MILR1: variants seen among roughly 807,000 people sequenced by gnomAD.
The protein encoded by MILR1 is allergin-1.
In MILR1, 31 loss-of-function variants were observed where a neutral mutation model predicts 18.5. The observed-to-expected ratio is 1.68, with a 90% CI of 1.26 to 2.26. MILR1 has a LOEUF of 2.26. Ranked by LOEUF, MILR1 falls within the 30% of genes most tolerant of loss-of-function variation. MILR1 has a pLI of 0.00. For synonymous variants in MILR1, 85 were observed against 56.2 expected (o/e 1.51, Z -2.30); for missense variants, 257 against 157.4 (o/e 1.63, Z -3.38).
At chr17:64,496,677 C>T in the MILR1 span, 7 of 1,614,028 alleles carry the variant, frequency 4.3e-6, no homozygotes, top group Non-Finnish European at 5.9e-6. Flanking sequence ...GGTCCGAAGC[C>T]GGGGTGGCAC....
chr17:64,468,703 G>A, downstream of MILR1: 1 of 967,976 alleles, frequency 1.0e-6, no homozygotes, highest in African/African-American at 1.8e-5. Context: ...GCATCTCCAT[G>A]ATCTTTTCCA....
chr17:64,483,371 A>G, the MILR1 span, among the ~76,000 whole-genome samples: 3 of 151,982 alleles, frequency 2.0e-5, no homozygotes, highest in Non-Finnish European at 4.4e-5. Flanking sequence ...CAAAAAAATT[A>G]GCTAGGTATG....
downstream of MILR1, among the ~76,000 whole-genome samples, chr17:64,470,406 G>A (rs2037669810): frequency 2.0e-5 from 3 of 152,262 alleles, no homozygotes; most frequent in South Asian, 2.1e-4. Context: ...ATGAATGAAT[G>A]TTTTTAATAC....
At chr17:64,496,425 G>A in the MILR1 span, 6 of 1,581,626 alleles carry the variant, frequency 3.8e-6, no homozygotes, top group Non-Finnish European at 5.2e-6. Flanking sequence ...AGGTTCTCCC[G>A]TAGTTTCCCA....
chr17:64,467,131 A>G (rs548595399), intron 8 of MILR1, among the ~76,000 whole-genome samples: 3 of 115,386 alleles, frequency 2.6e-5, no homozygotes, highest in South Asian at 2.6e-4. Context: ...TTTTTTTGAG[A>G]CTCTCACTCT....
chr17:64,465,649 G>A (rs1326590393), intron 6 of MILR1, 108 bp downstream of exon 6: 8 of 1,143,070 alleles, frequency 7.0e-6, no homozygotes, highest in African/African-American at 1.6e-5. Context: ...AAGGGATAGA[G>A]TTCAATGTCT....
At chr17:64,483,357 A>T in the MILR1 span, among the ~76,000 whole-genome samples, 11 of 151,206 alleles carry the variant, frequency 7.3e-5, no homozygotes, top group African/African-American at 2.5e-4. Flanking sequence ...CTACCAAAAA[A>T]ATACAAAAAA....
At chr17:64,473,233 C>T (rs538438436), downstream of MILR1, among the ~76,000 whole-genome samples, 19 of 152,032 alleles carry the variant, frequency 1.2e-4, no homozygotes, top group African/African-American at 4.6e-4. Context: ...CACCTGTAGT[C>T]CCAGCTACTC....
At chr17:64,483,081 T>A in the MILR1 span, 2 of 716,966 alleles carry the variant, frequency 2.8e-6, no homozygotes, top group East Asian at 2.5e-5. Flanking sequence ...AGTTTAAATA[T>A]AACACAAGTA....
intron 5 of MILR1, among the ~76,000 whole-genome samples, chr17:64,463,817 ATTTTTT>A (rs1200586705): frequency 9.6e-6 from 1 of 103,920 alleles, no homozygotes; most frequent in African/African-American, 4.0e-5. Flanking sequence ...CTCCTGGCTA[ATTTTTT>A]TTTTTTTTTT....
downstream of MILR1, among the ~76,000 whole-genome samples, chr17:64,470,654 T>TTA (rs2037674711): frequency 1.3e-5 from 2 of 152,114 alleles, no homozygotes; most frequent in African/African-American, 4.8e-5. Context: ...AGAGCAGAAC[T>TTA]GCTAGATGTG....
chr17:64,466,306 C>T lies in MILR1; in HGVS notation c.854-136C>T. On this transcript the variant is annotated intron_variant, in intron 6 of 9. Coordinates refer to ENST00000619286, the MANE Select transcript of MILR1 (RefSeq NM_001085423.2). ...GATGTGATTTGGGTGAGGACACAGT[C>T]AAACCCTATCATCAGCTGACAATGG... The T allele has an allele frequency of 4.0e-6, 3 of 740,744 alleles. No individual in the cohort carries two copies. The South Asian group carries it at 4.8e-5, about 12-fold the overall frequency. The allele number at this position is 740,744 out of a possible 1,614,324, so 45.9% of individuals were successfully genotyped here.
At chr17:64,483,766 A>T in the MILR1 span, among the ~76,000 whole-genome samples, 1 of 151,198 alleles carries the variant, frequency 6.6e-6, no homozygotes, top group Admixed American at 6.6e-5. Context: ...CCCAGGCTAG[A>T]ATGCTCCACT....
chr17:64,490,617 T>TA, the MILR1 span: 1 of 622,130 alleles, frequency 1.6e-6, no homozygotes, highest in Non-Finnish European at 2.9e-6. Context: ...AATAGTGGAT[T>TA]ACTGTTAATT....
chr17:64,470,928 GCCT>G (rs1322214798), downstream of MILR1, among the ~76,000 whole-genome samples: 2 of 152,176 alleles, frequency 1.3e-5, no homozygotes, highest in African/African-American at 4.8e-5. Flanking sequence ...GTCCACTAGT[GCCT>G]CATTTCTTTC....
chr17:64,463,083 CA>C (rs2037468427), intron 5 of MILR1, among the ~76,000 whole-genome samples: 1 of 151,970 alleles, frequency 6.6e-6, no homozygotes, highest in South Asian at 2.1e-4. Context: ...AAAACAGAAA[CA>C]AAAAAGCATC....
At position 64,452,817 on chromosome 17, in the gene MILR1, A is replaced by G. The variant is rs1189554786; in HGVS notation, c.318A>G (p.Gln106=). ...CAGGCCCCTACAAATGCAAAGCCCA[A>G]GTTACCAGCTGTTCAAAATACAGTC... ...HESGPYKCKA[Q]VTSCSKYSRD... The change falls in exon 3 of 10, where the codon CAA becomes CAG. Residue 106 remains glutamine (Q), a synonymous_variant. Transcript: ENST00000619286. 1.5e-5 allele frequency: 7 copies of G among 475,128 alleles called. No homozygotes were observed. The highest frequency in any genetic ancestry group is 4.0e-5 in the African/African-American group (2 of 50,462). The allele number at this position is 475,128 out of a possible 1,614,324, so 29.4% of individuals were successfully genotyped here.
At chr17:64,496,073 A>G in the MILR1 span, among the ~76,000 whole-genome samples, 1 of 152,224 alleles carries the variant, frequency 6.6e-6, no homozygotes, top group Admixed American at 6.5e-5. Context: ...TTTACTTAGA[A>G]TAAATCTAAG....
At chr17:64,490,826 G>A in the MILR1 span, 2 of 1,613,438 alleles carry the variant, frequency 1.2e-6, no homozygotes, top group Non-Finnish European at 1.7e-6. Flanking sequence ...CAGGATACAT[G>A]TGTAAAAGTT....
Sources: allele counts gnomAD v4.1 joint callset (sites outside exome capture counted in the v4.1 genomes callset), GRCh38; gene constraint gnomAD v4.1.1; transcripts MANE v1.5; gene names NCBI Gene and HGNC (gene_info 2026-07-23, HGNC 2026-07-21).